The following TRPM1 variants were observed in gnomAD, a reference collection of about 807,000 sequenced individuals.
TRPM1 encodes the protein TRPM1-203 APA Isoform, Intron 10.
In TRPM1, 113 loss-of-function variants were observed where a neutral mutation model predicts 149.4. The ratio of observed to expected loss-of-function variants is 0.76; its 90% CI spans 0.65 to 0.88. The LOEUF is 0.88. Among genes scored for constraint, TRPM1 ranks in the 40% least tolerant of loss-of-function variants. TRPM1 has a pLI of 0.00. For synonymous variants in TRPM1, 741 were observed against 759.5 expected (o/e 0.98, Z 0.40); for missense variants, 1,976 against 2,038.7 (o/e 0.97, Z 0.59).
chr15:31,088,475 T>A (rs1179404542), intron 1 of TRPM1, among the ~76,000 whole-genome samples: 19 of 152,212 alleles, frequency 1.2e-4, no homozygotes, highest in Non-Finnish European at 4.4e-5. Context: ...ACTCCTGAAG[T>A]CAGCAAGCCC....
chr15:31,070,919 C>T (rs532989682), intron 3 of TRPM1, among the ~76,000 whole-genome samples: 1 of 152,294 alleles, frequency 6.6e-6, no homozygotes, highest in East Asian at 1.9e-4. Context: ...TGCTAAAAGG[C>T]TATTTCAAAA....
chr15:31,124,585 C>T (rs149566665), intron 1 of TRPM1, among the ~76,000 whole-genome samples: 46 of 144,858 alleles, frequency 3.2e-4, no homozygotes, highest in Admixed American at 7.2e-4. Flanking sequence ...ACCCGGGAGG[C>T]GGAGGTTGCA....
Position 31,113,946 on chromosome 15 carries a change from A to AGATTGGTCCATTTTACAGAGTGCT in TRPM1, c.55-36986_55-36963dup, listed in dbSNP as rs1183570981. On this transcript the variant is annotated intron_variant, in intron 1 of 26. Coordinates refer to the TRPM1 transcript ENST00000542188. ...TTATTTGGCCCTGCCCATGTCCTGC[A>AGATTGGTCCATTTTACAGAGTGCT]GATTGGTCCATTTTACAGAGTGCTG... Among the ~76,000 whole-genome samples, 297 of 151,038 alleles carry AGATTGGTCCATTTTACAGAGTGCT rather than the reference A, an allele frequency of 2.0e-3. 10 individuals carry two copies. Among genetic ancestry groups the AGATTGGTCCATTTTACAGAGTGCT allele is most frequent in the African/African-American group, 7.2e-3 (290 of 40,408 alleles).
At chr15:31,051,089 G>A (rs545967043) in intron 11 of TRPM1, among the ~76,000 whole-genome samples, 116 of 152,308 alleles carry the variant, frequency 7.6e-4, no homozygotes, top group Non-Finnish European at 1.2e-3. Flanking sequence ...GCTTATCGGC[G>A]GGTAAAGAAG....
chr15:31,067,033 A>T (rs894131417), intron 6 of TRPM1, 30 bp downstream of exon 6: 3 of 1,614,130 alleles, frequency 1.9e-6, no homozygotes, highest in Admixed American at 1.7e-5. Context: ...ATTTTAAAAA[A>T]CTGCCAACAT....
intron 3 of TRPM1, among the ~76,000 whole-genome samples, chr15:31,073,973 TC>T (rs1273528128): frequency 6.6e-6 from 1 of 152,144 alleles, no homozygotes; most frequent in Non-Finnish European, 1.5e-5. Context: ...GATTTTTGTT[TC>T]TACTATATTG....
upstream of TRPM1, among the ~76,000 whole-genome samples, chr15:31,103,025 T>C (rs949040653): frequency 6.6e-6 from 1 of 152,134 alleles, no homozygotes; most frequent in Non-Finnish European, 1.5e-5. Flanking sequence ...ATCCGGGGCA[T>C]CTGAAATCAG....
At chr15:31,051,878 C>T (rs762582521) in intron 11 of TRPM1, among the ~76,000 whole-genome samples, 5 of 152,176 alleles carry the variant, frequency 3.3e-5, no homozygotes, top group Non-Finnish European at 7.3e-5. Flanking sequence ...CTTCCAGGGT[C>T]CCTTATCTCA....
At chr15:31,007,647 GCGCAGCAA>G (rs370926394) in intron 27 of TRPM1, among the ~76,000 whole-genome samples, 713 of 64,472 alleles carry the variant, frequency 0.011, 3 homozygotes, top group African/African-American at 0.045. Flanking sequence ...AACAACAGCA[GCGCAGCAA>G]CAACAACAAC....
At chr15:31,051,179 A>G (rs1330240976) in intron 11 of TRPM1, among the ~76,000 whole-genome samples, 1 of 152,294 alleles carries the variant, frequency 6.6e-6, no homozygotes, top group East Asian at 1.9e-4. Flanking sequence ...ACTCCAGAGA[A>G]CAGGAGGGAC....
At chr15:31,068,420 C>A (rs986119928) in intron 4 of TRPM1, among the ~76,000 whole-genome samples, 5 of 152,070 alleles carry the variant, frequency 3.3e-5, no homozygotes, top group Non-Finnish European at 7.4e-5. Context: ...GCATGGATCC[C>A]TCGTGAGTGG....
In TRPM1 at chr15:31,076,985, C is replaced by G. The variant is rs758753970; in HGVS notation, c.4-1G>C. ...TTTTCTCTATCCAAGATTTCTGACCCTGGAAGAGAGAGAGAAGTGGATATT... is the reference window on the plus strand; with the variant it reads ...TTTTCTCTATCCAAGATTTCTGACCGTGGAAGAGAGAGAGAAGTGGATATT... On this transcript the variant is annotated splice_acceptor_variant, in intron 2 of 27. Transcript: ENST00000256552. LOFTEE classifies it high-confidence loss of function. The G allele has an allele frequency of 6.2e-7, 1 of 1,607,950 alleles. No individual in the cohort carries two copies. Among genetic ancestry groups the G allele is most frequent in the South Asian group, 1.1e-5 (1 of 90,950 alleles).
At chr15:31,108,320 AT>A in intron 1 of TRPM1, among the ~76,000 whole-genome samples, 1 of 152,168 alleles carries the variant, frequency 6.6e-6, no homozygotes, top group Admixed American at 6.5e-5. Context: ...AAGAATGTGT[AT>A]TTTGTTGTTG....
chr15:31,136,386 T>C (rs1037974194), intron 1 of TRPM1, among the ~76,000 whole-genome samples: 3 of 152,220 alleles, frequency 2.0e-5, no homozygotes, highest in African/African-American at 7.2e-5. Flanking sequence ...CACAGCACCA[T>C]TTATAATCGG....
rs201779733 is a variant in TRPM1, at chr15:31,060,977, CCT to C, written c.1163-335_1163-334del. On this transcript the variant is annotated intron_variant, in intron 10 of 27. Transcript: ENST00000256552. ...CAGCCAGCCTGACAGTGACCCTTCC[CCT>C]CTCTCTGTCCTCCCTGCCCCCTCAT... 3.9e-3 allele frequency among the ~76,000 whole-genome samples: 596 copies of C among 152,288 alleles called. 7 individuals are homozygous for C. The highest frequency in any genetic ancestry group is 0.013 in the African/African-American group (560 of 41,566).
chr15:31,001,801 A>C lies in TRPM1; in HGVS notation c.*21T>G, dbSNP rs2031771608. On this transcript the variant is annotated 3_prime_UTR_variant, in exon 28 of 28. Transcript: ENST00000256552. The stretch of plus-strand genomic sequence containing the variant: ...TAGTGGTTCTGACTGTTAAAAAAAA[A>C]AATTAAAGAAACAAAACAGACTAGC... 1 of 1,603,596 alleles carries C rather than the reference A, an allele frequency of 6.2e-7. No individual in the cohort carries two copies. Among genetic ancestry groups the C allele is most frequent in the Non-Finnish European group, 8.5e-7 (1 of 1,178,884 alleles).
chr15:31,006,096 T>C (rs943128936), intron 27 of TRPM1, among the ~76,000 whole-genome samples: 1 of 152,236 alleles, frequency 6.6e-6, no homozygotes, highest in Middle Eastern at 3.2e-3. Flanking sequence ...CATTACAGAA[T>C]ACAGAAGCAT....
chr15:31,072,006 TATATATATATATAG>T (rs1368442624), intron 3 of TRPM1, among the ~76,000 whole-genome samples: 543 of 38,212 alleles, frequency 0.014, 6 homozygotes, highest in African/African-American at 0.038. Flanking sequence ...TATATATATA[TATATATATATATAG>T]AGAGAGAGAG....
chr15:31,022,193 A>G (rs1201258464), intron 27 of TRPM1, among the ~76,000 whole-genome samples: 1 of 152,230 alleles, frequency 6.6e-6, no homozygotes, highest in Non-Finnish European at 1.5e-5. Context: ...GCTGAACCAC[A>G]AAGAGAACAG....
Sources: gnomAD v4.1 joint callset for allele counts (sites outside exome capture counted in the v4.1 genomes callset) on GRCh38, gnomAD v4.1.1 for gene constraint, MANE v1.5 for transcripts, NCBI Gene and HGNC (gene_info 2026-07-23, HGNC 2026-07-21) for gene names.